VTI1A: variants seen among roughly 807,000 people sequenced by gnomAD.
VTI1A encodes the protein vesicle transport through interaction with t-SNAREs homolog 1A.
In VTI1A, 22 loss-of-function variants were observed where a neutral mutation model predicts 34.9. That is an observed-to-expected ratio of 0.63 (90% CI 0.45 to 0.90). VTI1A has a LOEUF of 0.90. Among genes scored for constraint, VTI1A ranks in the 40% least tolerant of loss-of-function variants. VTI1A has a pLI of 0.00. For missense variants in VTI1A, 268 were observed against 275.6 expected (o/e 0.97, Z 0.20); for synonymous variants, 87 against 97.3 (o/e 0.89, Z 0.62).
chr10:112,646,517 A>G (rs1846790091), intron 5 of VTI1A, among the ~76,000 whole-genome samples: 1 of 151,422 alleles, frequency 6.6e-6, no homozygotes, highest in Non-Finnish European at 1.5e-5. Context: ...TGTGAAGAGT[A>G]CCATGTTCTT....
At chr10:112,732,081 G>T (rs1850285128) in intron 7 of VTI1A, among the ~76,000 whole-genome samples, 1 of 151,728 alleles carries the variant, frequency 6.6e-6, no homozygotes, top group South Asian at 2.1e-4. Flanking sequence ...AGACTGTACA[G>T]CAACTTCACT....
At chr10:112,781,569 G>T (rs954017421) in intron 7 of VTI1A, among the ~76,000 whole-genome samples, 7 of 152,126 alleles carry the variant, frequency 4.6e-5, no homozygotes, top group African/African-American at 1.7e-4. Context: ...GGCCAGGAGC[G>T]GTGGCTCACA....
chr10:112,794,436 C>T (rs1852601837), intron 7 of VTI1A, among the ~76,000 whole-genome samples: 1 of 151,986 alleles, frequency 6.6e-6, no homozygotes, highest in East Asian at 1.9e-4. Context: ...CCTGTGGTCC[C>T]AGCTACTCAG....
chr10:112,690,355 T>A (rs1848572174), intron 7 of VTI1A, among the ~76,000 whole-genome samples: 1 of 152,258 alleles, frequency 6.6e-6, no homozygotes, highest in Non-Finnish European at 1.5e-5. Flanking sequence ...CCAAAGACAC[T>A]GAACCATTTT....
At chr10:112,604,267 G>A (rs1382429613) in intron 5 of VTI1A, among the ~76,000 whole-genome samples, 2 of 152,094 alleles carry the variant, frequency 1.3e-5, no homozygotes, top group Non-Finnish European at 2.9e-5. Context: ...CTTACAAAAT[G>A]GGGCTTGTAA....
At chr10:112,713,423 G>T (rs948975748) in intron 7 of VTI1A, among the ~76,000 whole-genome samples, 2 of 151,970 alleles carry the variant, frequency 1.3e-5, no homozygotes, top group African/African-American at 4.8e-5. Context: ...GCATTATCTC[G>T]TTTAGTTTCA....
chr10:112,603,086 C>T (rs1157008572), intron 5 of VTI1A, among the ~76,000 whole-genome samples: 1 of 152,168 alleles, frequency 6.6e-6, no homozygotes, highest in Non-Finnish European at 1.5e-5. Flanking sequence ...GGGTTCTTTT[C>T]AGGCTTCTAG....
intron 7 of VTI1A, among the ~76,000 whole-genome samples, chr10:112,695,592 A>T (rs1848756391): frequency 6.6e-6 from 1 of 152,190 alleles, no homozygotes; most frequent in Non-Finnish European, 1.5e-5. Context: ...ATATGGCGCC[A>T]GTTGATTATG....
chr10:112,672,250 A>G (rs1181293088), intron 7 of VTI1A, among the ~76,000 whole-genome samples: 1 of 152,240 alleles, frequency 6.6e-6, no homozygotes, highest in African/African-American at 2.4e-5. Flanking sequence ...GTGCAAAAAC[A>G]TTGACATATA....
chr10:112,647,688 A>G (rs765648276), intron 5 of VTI1A, among the ~76,000 whole-genome samples: 4 of 152,246 alleles, frequency 2.6e-5, no homozygotes, highest in Non-Finnish European at 4.4e-5. Context: ...TTTGTTTATT[A>G]TCAGTATAGA....
chr10:112,846,538 G>A, the VTI1A span, among the ~76,000 whole-genome samples: 3 of 151,972 alleles, frequency 2.0e-5, no homozygotes, highest in South Asian at 2.1e-4. Flanking sequence ...AGGCTGAGGC[G>A]GGCTGATCAA....
intron 7 of VTI1A, among the ~76,000 whole-genome samples, chr10:112,707,571 G>A (rs12217551): frequency 0.39 from 59,811 of 151,912 alleles, 15,402 homozygotes; most frequent in African/African-American, 0.74. Context: ...TGACCTGGTG[G>A]TCTGCCCGCC....
chr10:112,499,433 T>C (rs1849146430), intron 3 of VTI1A, among the ~76,000 whole-genome samples: 1 of 152,220 alleles, frequency 6.6e-6, no homozygotes, highest in Admixed American at 6.5e-5. Context: ...TGTTTTGACT[T>C]GTCATCTCTT....
chr10:112,759,752 C>A (rs928675639), intron 7 of VTI1A, among the ~76,000 whole-genome samples: 1 of 152,188 alleles, frequency 6.6e-6, no homozygotes, highest in Non-Finnish European at 1.5e-5. Context: ...CCCACCTGCC[C>A]TTCCCCAGCC....
At chr10:112,558,670 C>T (rs1301758588) in intron 5 of VTI1A, among the ~76,000 whole-genome samples, 3 of 152,184 alleles carry the variant, frequency 2.0e-5, no homozygotes, top group Non-Finnish European at 4.4e-5. Flanking sequence ...GCTCCACAGG[C>T]CCCAACTTTA....
intron 5 of VTI1A, among the ~76,000 whole-genome samples, chr10:112,639,571 G>C (rs17512979): frequency 0.057 from 8,601 of 152,188 alleles, 305 homozygotes; most frequent in Non-Finnish European, 0.085. Context: ...CTAATTCATT[G>C]AAATATTTAA....
At chr10:112,733,165 T>A (rs980048147) in intron 7 of VTI1A, among the ~76,000 whole-genome samples, 1 of 152,236 alleles carries the variant, frequency 6.6e-6, no homozygotes, top group Non-Finnish European at 1.5e-5. Flanking sequence ...GCTGCCATGG[T>A]GTTTTTGGGT....
At chr10:112,572,443 T>C (rs1268375480) in intron 5 of VTI1A, among the ~76,000 whole-genome samples, 2 of 152,194 alleles carry the variant, frequency 1.3e-5, no homozygotes, top group African/African-American at 4.8e-5. Flanking sequence ...TTAAAGAGGA[T>C]AGATAACATG....
At chr10:112,637,200 A>G (rs1215880362) in intron 5 of VTI1A, among the ~76,000 whole-genome samples, 2 of 152,142 alleles carry the variant, frequency 1.3e-5, no homozygotes. Context: ...GGTGTCATCT[A>G]TTTTGAAACA....
Sources: allele counts gnomAD v4.1 joint callset (sites outside exome capture counted in the v4.1 genomes callset), GRCh38; gene constraint gnomAD v4.1.1; transcripts MANE v1.5; gene names NCBI Gene and HGNC (gene_info 2026-07-23, HGNC 2026-07-21).